Variants in SELENON observed in about 807,000 individuals in gnomAD.
The protein encoded by SELENON is selenoprotein N, 1.
SELENON carries 44 observed loss-of-function variants against 59.5 expected under a neutral mutation model. The observed-to-expected ratio is 0.74, with a 90% CI of 0.58 to 0.95. The LOEUF (loss-of-function observed/expected upper bound fraction) is 0.95, where lower values mean the gene tolerates loss of function less well. Among genes scored for constraint, SELENON ranks in the 40% least tolerant of loss-of-function variants. The probability of loss-of-function intolerance (pLI) is 0.00; values close to 1 mark genes in which losing one functional copy is unlikely to be tolerated. For synonymous variants in SELENON, 320 were observed against 305.6 expected (o/e 1.05, Z -0.49); for missense variants, 674 against 721.4 (o/e 0.93, Z 0.75).
chr1:25,815,087 T>C (rs2047998701), intron 12 of SELENON, among the ~76,000 whole-genome samples: 2 of 152,182 alleles, frequency 1.3e-5, no homozygotes, highest in South Asian at 4.1e-4. Context: ...GTTCATCTAC[T>C]GGGCACCTAC....
At position 25,812,678 on chromosome 1, in the gene SELENON, T is replaced by C. The variant is rs2047976101; in HGVS notation, c.1282-9T>C. 1.2e-6 allele frequency: 2 copies of C among 1,603,880 alleles called. No individual in the cohort carries two copies. Among genetic ancestry groups the C allele is most frequent in the Non-Finnish European group, 8.5e-7 (1 of 1,176,402 alleles). On this transcript the variant is annotated splice_polypyrimidine_tract_variant and intron_variant, in intron 9 of 12. Transcript: ENST00000361547. Reference sequence around the variant, plus strand: ...ATGATGGCTTCGCTCTGTCTCGGTGTGGCCCCAGGTCTCCTACTTGCCGTT... The same window carrying C: ...ATGATGGCTTCGCTCTGTCTCGGTGCGGCCCCAGGTCTCCTACTTGCCGTT...
chr1:25,812,717 G>T lies in SELENON; in HGVS notation c.1312G>T (p.Asp438Tyr). The change falls in exon 10 of 13, where the codon GAC (aspartate) becomes TAC (tyrosine). Residue 438 changes from aspartate to tyrosine, a missense_variant. Coordinates refer to ENST00000361547, the MANE Select transcript of SELENON (RefSeq NM_020451.3). The stretch of plus-strand genomic sequence containing the variant: ...CTACTTGCCGTTCACTGAGGCCTTC[G>T]ACCGAGCCAAGGCTGAGAACAAGCT... 1 of 1,612,734 alleles carries T rather than the reference G, an allele frequency of 6.2e-7. No homozygotes were observed. The highest frequency in any genetic ancestry group is 8.5e-7 in the Non-Finnish European group (1 of 1,179,776).
rs762055962 is a variant in SELENON, at chr1:25,809,689, T to C, written c.879T>C (p.His293=). The C allele has an allele frequency of 2.5e-6, 4 of 1,613,968 alleles. No individual in the cohort carries two copies. Among genetic ancestry groups the C allele is most frequent in the East Asian group, 2.2e-5 (1 of 44,880 alleles). Residue 293 remains histidine (H), a synonymous_variant, in exon 7 of 13, where the codon CAT becomes CAC. Coordinates refer to ENST00000361547, the MANE Select transcript of SELENON (RefSeq NM_020451.3). ...CAGATCCCCTTCCCCACAGGATCCA[T>C]GCCGAGTTCCAGCTCAGTGAGCCGC...
In SELENON at chr1:25,815,939, T is replaced by C; in HGVS notation, c.*221T>C. ...GGGCAGAGGAACCTCTAGCTCTGAC[T>C]GTCACTCGGCTCTCCCTACCCATTT... On this transcript the variant is annotated 3_prime_UTR_variant, in exon 13 of 13. Coordinates refer to ENST00000361547, the MANE Select transcript of SELENON (RefSeq NM_020451.3). The C allele has an allele frequency of 1.8e-6, 1 of 566,488 alleles. No homozygotes were observed. Among genetic ancestry groups the C allele is most frequent in the Non-Finnish European group, 3.2e-6 (1 of 314,906 alleles). The allele number at this position is 566,488 out of a possible 1,614,324, so 35.1% of individuals were successfully genotyped here. A position where few individuals can be genotyped will look rare whatever the true frequency, so the allele number is the denominator to read the frequency against.
intron 1 of SELENON, 111 bp from the exon 2 acceptor site, chr1:25,800,932 G>A: frequency 4.5e-6 from 4 of 880,708 alleles, no homozygotes; most frequent in Non-Finnish European, 7.8e-6. Flanking sequence ...GGCACTGGGA[G>A]AGCTCAGGAA....
intron 7 of SELENON, among the ~76,000 whole-genome samples, chr1:25,811,023 C>T (rs540852367): frequency 3.9e-5 from 6 of 152,346 alleles, no homozygotes; most frequent in African/African-American, 1.2e-4. Flanking sequence ...CTCCCTCGTG[C>T]GGCGGATCTG....
At chr1:25,809,173 C>CG in intron 6 of SELENON, 23 bp downstream of exon 5, 2 of 1,613,308 alleles carry the variant, frequency 1.2e-6, no homozygotes, top group Non-Finnish European at 1.7e-6. Flanking sequence ...CACTGGCTGG[C>CG]CTGGAGCACC....
rs959546414 is a variant in SELENON, at chr1:25,809,924, C to T, written c.1010+104C>T. The T allele has an allele frequency of 3.6e-5, 52 of 1,433,720 alleles. 1 individual carries two copies. The East Asian group carries it at 1.2e-3, about 32-fold the overall frequency. 88.8% of individuals were successfully genotyped at this position (1,433,720 alleles called of 1,614,324 possible). ...TCTTCTGTCTCTGCCCCTTCCTTTG[C>T]TCCCCAGAGCCCATCTCATGGGGCT... On this transcript the variant is annotated intron_variant, in intron 7 of 12. Transcript: ENST00000361547.
At position 25,811,688 on chromosome 1, in the gene SELENON, C is replaced by G. The variant is rs2047961196; in HGVS notation, c.1093-3C>G. ...TTCCCCCTACCACTGACCTCTGGCC[C>G]AGATGGAGCTGGAGGCCACGGGCCC... On this transcript the variant is annotated splice_region_variant and splice_polypyrimidine_tract_variant and intron_variant, in intron 8 of 12. Transcript: ENST00000361547. 6 of 1,611,110 alleles carry G rather than the reference C, an allele frequency of 3.7e-6. No individual in the cohort carries two copies. Among genetic ancestry groups the G allele is most frequent in the Non-Finnish European group, 5.1e-6 (6 of 1,178,808 alleles).
intron 4 of SELENON, 152 bp downstream of exon 3, chr1:25,805,427 G>A (rs188770536): frequency 4.4e-5 from 46 of 1,042,994 alleles, no homozygotes; most frequent in Non-Finnish European, 5.9e-5. Flanking sequence ...TGCTGTCCAG[G>A]CATACAGCCT....
Position 25,815,613 on chromosome 1 carries a change from C to T in SELENON, c.1668C>T (p.Ser556=). 6.2e-7 allele frequency: 1 copy of T among 1,614,194 alleles called. No individual in the cohort carries two copies. The highest frequency in any genetic ancestry group is 2.2e-5 in the East Asian group (1 of 44,868). ...CCGTGAAGCCCGAGGAAATCGAGAGCAATCTCTTCAGCTTCTCATCCACCT... is the reference window on the plus strand; with the variant it reads ...CCGTGAAGCCCGAGGAAATCGAGAGTAATCTCTTCAGCTTCTCATCCACCT... Residue 556 remains serine, a synonymous_variant, in exon 13 of 13, where the codon AGC becomes AGT. Transcript: ENST00000361547.
Position 25,805,294 on chromosome 1 carries a change from G to A in SELENON, c.537+19G>A. 2 of 1,613,886 alleles carry A rather than the reference G, an allele frequency of 1.2e-6. No homozygotes were observed. The highest frequency in any genetic ancestry group is 1.7e-6 in the Non-Finnish European group (2 of 1,180,006). ...CCTAGGGGTGAGTTGGGGACCACAGGCAGTGGGGTCATCTGTGTGTATCCC... is the reference window on the plus strand; with the variant it reads ...CCTAGGGGTGAGTTGGGGACCACAGACAGTGGGGTCATCTGTGTGTATCCC... On this transcript the variant is annotated intron_variant, in intron 4 of 12. Transcript: ENST00000361547.
chr1:25,809,149 C>A lies in SELENON; in HGVS notation c.871C>A (p.Arg291=). ...CGACTTCTACTACACTGTGATGTTC[C>A]GGTGAGTGGGCCACACTGGCTGGCC... Residue 291 remains arginine (R), a splice_region_variant and synonymous_variant, in exon 6 of 13, where the codon CGG becomes AGG. Coordinates refer to ENST00000361547, the MANE Select transcript of SELENON (RefSeq NM_020451.3). The A allele has an allele frequency of 6.2e-7, 1 of 1,613,694 alleles. No homozygotes were observed. Among genetic ancestry groups the A allele is most frequent in the Admixed American group, 1.7e-5 (1 of 60,028 alleles).
At position 25,811,101 on chromosome 1, in the gene SELENON, G is replaced by A. The variant is rs1360345627; in HGVS notation, c.1011-353G>A. Among the ~76,000 whole-genome samples the A allele has an allele frequency of 3.9e-5, 6 of 152,026 alleles. No individual in the cohort carries two copies. The South Asian group carries it at 1.0e-3, about 26-fold the overall frequency. On this transcript the variant is annotated intron_variant, in intron 7 of 12. Transcript: ENST00000361547. ...GGCCTGTGCAGGGACCACGGTGCTC[G>A]TTTTCATTCCTGCCCCACCCTGTGA...
chr1:25,815,724 C>G lies in SELENON; in HGVS notation c.*6C>G, dbSNP rs999920032. The G allele has an allele frequency of 1.2e-6, 2 of 1,613,594 alleles. No homozygotes were observed. Among genetic ancestry groups the G allele is most frequent in the African/African-American group, 2.7e-5 (2 of 75,058 alleles). On this transcript the variant is annotated 3_prime_UTR_variant, in exon 13 of 13. Transcript: ENST00000361547. ...TGCCCCTCCTCCAGCCCTAGAGTGC[C>G]TGGACGGGATCTGATGCACAGGCCC...
chr1:25,800,810 T>G (rs1572227311), intron 1 of SELENON, among the ~76,000 whole-genome samples: 1 of 148,736 alleles, frequency 6.7e-6, no homozygotes, highest in Non-Finnish European at 1.5e-5. Context: ...GAAGGCGGAG[T>G]GGGGACAAAC....
At position 25,817,183 on chromosome 1, in the gene SELENON, C is replaced by G. The variant is rs1278601356; in HGVS notation, c.*1465C>G. 1 of 152,216 alleles carries G rather than the reference C, an allele frequency of 6.6e-6. No homozygotes were observed. Among genetic ancestry groups the G allele is most frequent in the African/African-American group, 2.4e-5 (1 of 41,222 alleles). The allele number at this position is 152,216 out of a possible 1,614,324, so 9.4% of individuals were successfully genotyped here. A position where few individuals can be genotyped will look rare whatever the true frequency, so the allele number is the denominator to read the frequency against. On this transcript the variant is annotated 3_prime_UTR_variant, in exon 13 of 13. Coordinates refer to ENST00000361547, the MANE Select transcript of SELENON (RefSeq NM_020451.3). ...ACCCCACTTGCCTTGGGCGTGTCCA[C>G]TGAGCCTTCCCCAGCCAGTCTTGTT...
chr1:25,808,297 CGCCTGGGTGGGCTGT>C lies in SELENON; in HGVS notation c.538-223_538-209del, dbSNP rs55828916. 0.023 allele frequency among the ~76,000 whole-genome samples: 3,446 copies of C among 151,474 alleles called. 81 individuals are homozygous for C. The highest frequency in any genetic ancestry group is 0.057 in the African/African-American group (2,348 of 41,230). ...GAGCGAGCTGCTCTGGCCTGGGCTGCGCCTGGGTGGGCTGTGCCTGGGTGGGCTGTGCCTGGGTGG... is the reference window on the plus strand; with the variant it reads ...GAGCGAGCTGCTCTGGCCTGGGCTGCGCCTGGGTGGGCTGTGCCTGGGTGG... On this transcript the variant is annotated intron_variant, in intron 4 of 12. Coordinates refer to ENST00000361547, the MANE Select transcript of SELENON (RefSeq NM_020451.3).
Position 25,801,107 on chromosome 1 carries a change from G to C in SELENON, c.248G>C (p.Gly83Ala). The change falls in exon 2 of 13, where the codon GGG (glycine) becomes GCG (alanine). Residue 83 changes from glycine to alanine, a missense_variant. Gly to Ala is a moderately conservative substitution (Grantham distance 60). Coordinates refer to ENST00000361547, the MANE Select transcript of SELENON (RefSeq NM_020451.3). ...CTCTTTTCCTCCTTGGACACTGACG[G>C]GGATATGTACATCAGCCCTGAGGAG... 6.2e-7 allele frequency: 1 copy of C among 1,614,160 alleles called. No homozygotes were observed. The highest frequency in any genetic ancestry group is 8.5e-7 in the Non-Finnish European group (1 of 1,180,032).
Sources: gnomAD v4.1 joint callset for allele counts (sites outside exome capture counted in the v4.1 genomes callset) on GRCh38, gnomAD v4.1.1 for gene constraint, MANE v1.5 for transcripts, NCBI Gene and HGNC (gene_info 2026-07-23, HGNC 2026-07-21) for gene names.